DNAI7: variants seen among roughly 807,000 people sequenced by gnomAD.
The protein encoded by DNAI7 is dynein axonemal intermediate chain 7, also known as cancer susceptibility 1.
A neutral mutation model predicts 86.6 loss-of-function variants in DNAI7; 78 were observed. The ratio of observed to expected loss-of-function variants is 0.90; its 90% CI spans 0.75 to 1.09. The LOEUF is 1.09. DNAI7 is among the 50% of genes least tolerant of loss of function. The probability of loss-of-function intolerance (pLI) is 0.00; values close to 1 mark genes in which losing one functional copy is unlikely to be tolerated. For synonymous variants in DNAI7, 274 were observed against 273.0 expected, an observed-to-expected ratio of 1.00 and a Z score of -0.04; for missense variants, 753 against 810.2, an observed-to-expected ratio of 0.93 and a Z score of 0.86.
At chr12:25,182,639 A>ACACACACACACACACACAC (rs1555184991) in intron 2 of DNAI7, among the ~76,000 whole-genome samples, 3 of 36,912 alleles carry the variant, frequency 8.1e-5, no homozygotes, top group African/African-American at 2.6e-4. Flanking sequence ...CACACACACA[A>ACACACACACACACACACAC]GCCAGATGTG....
intron 8 of DNAI7, 129 bp downstream of exon 8, chr12:25,146,872 G>A (rs373604498): frequency 5.1e-6 from 3 of 590,290 alleles, no homozygotes; most frequent in Non-Finnish European, 9.0e-6. Context: ...ACCCTTAGTG[G>A]GCTAACTTCC....
At chr12:25,190,399 A>T (rs1189386540) in intron 2 of DNAI7, among the ~76,000 whole-genome samples, 1 of 152,216 alleles carries the variant, frequency 6.6e-6, no homozygotes, top group Non-Finnish European at 1.5e-5. Flanking sequence ...TTTTAAGAGT[A>T]TTTGTGAAAT....
At chr12:25,156,421 A>T (rs375066861) in intron 4 of DNAI7, among the ~76,000 whole-genome samples, 1 of 152,324 alleles carries the variant, frequency 6.6e-6, no homozygotes. Flanking sequence ...GAAAACTTGT[A>T]TCTATCACTG....
intron 1 of DNAI7, among the ~76,000 whole-genome samples, chr12:25,194,202 C>G (rs1417456869): frequency 3.9e-5 from 6 of 152,166 alleles, no homozygotes; most frequent in Non-Finnish European, 7.3e-5. Flanking sequence ...CTCTCCTTCC[C>G]TTGTTTCCCC....
chr12:25,195,061 A>G lies in DNAI7; in HGVS notation c.3+15T>C. On this transcript the variant is annotated intron_variant, in intron 1 of 15. Transcript: ENST00000395987. ...GGTCGCCCCTCCACCTGTCTGCCTCATTTGCCTTGCTCACCATTAAGAGTC... is the reference window on the plus strand; with the variant it reads ...GGTCGCCCCTCCACCTGTCTGCCTCGTTTGCCTTGCTCACCATTAAGAGTC... 1 of 1,614,198 alleles carries G rather than the reference A, an allele frequency of 6.2e-7. No individual in the cohort carries two copies. Among genetic ancestry groups the G allele is most frequent in the South Asian group, 1.1e-5 (1 of 91,090 alleles).
intron 2 of DNAI7, among the ~76,000 whole-genome samples, chr12:25,188,885 G>C (rs1461147099): frequency 1.3e-5 from 2 of 152,206 alleles, no homozygotes; most frequent in African/African-American, 4.8e-5. Context: ...AGCACAAAAT[G>C]AATGTCCACA....
At chr12:25,162,481 C>A (rs1946946238) in intron 2 of DNAI7, among the ~76,000 whole-genome samples, 1 of 152,160 alleles carries the variant, frequency 6.6e-6, no homozygotes. Flanking sequence ...GACCTCTCCT[C>A]CATTTTCACA....
downstream of DNAI7, chr12:25,108,035 G>A (rs543928184): frequency 1.5e-4 from 238 of 1,613,928 alleles, 5 homozygotes; most frequent in South Asian, 1.4e-3. Context: ...ACCAGACTCC[G>A]ACACAATGGG....
At chr12:25,136,966 A>G (rs1017112519) in intron 9 of DNAI7, among the ~76,000 whole-genome samples, 1 of 152,220 alleles carries the variant, frequency 6.6e-6, no homozygotes, top group South Asian at 2.1e-4. Context: ...AAGAAGAGAA[A>G]TCTAAAAGCT....
intron 9 of DNAI7, among the ~76,000 whole-genome samples, chr12:25,138,802 GAAA>G (rs71065910): frequency 0.69 from 102,874 of 149,808 alleles, 39,130 homozygotes; most frequent in East Asian, 0.99. Context: ...AGGAACTAGA[GAAA>G]AAAGAACAAA....
intron 1 of DNAI7, among the ~76,000 whole-genome samples, chr12:25,191,956 A>G (rs1239799959): frequency 6.6e-6 from 1 of 152,236 alleles, no homozygotes; most frequent in Non-Finnish European, 1.5e-5. Flanking sequence ...GAAGAGTTAT[A>G]CATGGGAAAT....
At chr12:25,135,490 G>C (rs1308874776) in intron 9 of DNAI7, among the ~76,000 whole-genome samples, 1 of 152,150 alleles carries the variant, frequency 6.6e-6, no homozygotes, top group Non-Finnish European at 1.5e-5. Flanking sequence ...AACAGGGGAT[G>C]GGGGGCGGTG....
At position 25,188,304 on chromosome 12, in the gene DNAI7, T is replaced by C. The variant is rs139722920; in HGVS notation, c.21+2310A>G. 4.3e-3 allele frequency among the ~76,000 whole-genome samples: 652 copies of C among 152,314 alleles called. 7 individuals are homozygous for C. Among genetic ancestry groups the C allele is most frequent in the African/African-American group, 0.015 (610 of 41,562 alleles). On this transcript the variant is annotated intron_variant, in intron 2 of 15. Transcript: ENST00000395987. ...AGGGGTCTCTGTGTGTGTACATATGTGCGCCCTTTAATGTTTAGAAAATTT... is the reference window on the plus strand; with the variant it reads ...AGGGGTCTCTGTGTGTGTACATATGCGCGCCCTTTAATGTTTAGAAAATTT...
At position 25,141,187 on chromosome 12, in the gene DNAI7, GCAA is replaced by G. The variant is rs535232691; in HGVS notation, c.1002+3175_1002+3177del. Among the ~76,000 whole-genome samples, 7 of 152,198 alleles carry G rather than the reference GCAA, an allele frequency of 4.6e-5. No individual in the cohort carries two copies. The South Asian group carries it at 8.3e-4, about 18-fold the overall frequency. On this transcript the variant is annotated intron_variant, in intron 9 of 15. Transcript: ENST00000395987. ...CATGAAAAAGAGCCCAAAAGCAAAT[GCAA>G]CAACAACAATGATAAATAGATGATA...
At chr12:25,191,280 C>T (rs1276818577) in intron 1 of DNAI7, among the ~76,000 whole-genome samples, 11 of 152,246 alleles carry the variant, frequency 7.2e-5, no homozygotes, top group African/African-American at 2.2e-4. Flanking sequence ...CAAGCACATG[C>T]GTGTGGTCCC....
chr12:25,108,290 A>ATTGT lies in DNAI7; in HGVS notation c.*254_*257dup, dbSNP rs900190588. 4 of 557,098 alleles carry ATTGT rather than the reference A, an allele frequency of 7.2e-6. No homozygotes were observed. The highest frequency in any genetic ancestry group is 1.9e-5 in the African/African-American group (1 of 53,154). 34.5% of individuals were successfully genotyped at this position (557,098 alleles called of 1,614,324 possible). ...GCTTTTTAAGGAAGAAATATTATATATTGTTTGTTAAAGTTTATTGAAATA... is the reference window on the plus strand; with the variant it reads ...GCTTTTTAAGGAAGAAATATTATATATTGTTTGTTTGTTAAAGTTTATTGAAATA... On this transcript the variant is annotated 3_prime_UTR_variant, in exon 16 of 16. Transcript: ENST00000395987.
In DNAI7 at chr12:25,149,629, T is replaced by G; in HGVS notation, c.584A>C (p.Lys195Thr). Residue 195 changes from lysine (K) to threonine (T), a missense_variant and splice_region_variant, in exon 7 of 16, where the codon AAA becomes ACA. By Grantham distance (78) the Lys-to-Thr change is moderately conservative. Transcript: ENST00000395987. Reference protein sequence around the residue: ...KFGVATEILLKQASTLADLDS... With the variant: ...KFGVATEILLTQASTLADLDS... ...ATATAAGCAAAATATCACACTTACT[T>G]TGAGAAGTATTTCTGTGGCTACACC... 1 of 1,599,720 alleles carries G rather than the reference T, an allele frequency of 6.3e-7. No individual in the cohort carries two copies. The highest frequency in any genetic ancestry group is 8.5e-7 in the Non-Finnish European group (1 of 1,173,244).
At chr12:25,149,943 C>A (rs1945300979) in intron 6 of DNAI7, among the ~76,000 whole-genome samples, 169 bp from the exon 7 acceptor site, 1 of 151,734 alleles carries the variant, frequency 6.6e-6, no homozygotes, top group Non-Finnish European at 1.5e-5. Flanking sequence ...AAATTTCCTC[C>A]CAAACTCCCT....
intron 1 of DNAI7, among the ~76,000 whole-genome samples, chr12:25,191,724 A>G (rs1403840560): frequency 1.3e-5 from 2 of 152,170 alleles, no homozygotes; most frequent in Non-Finnish European, 2.9e-5. Context: ...ATAAATAAAT[A>G]AAGCAGGTAA....
Sources: allele counts gnomAD v4.1 joint callset (sites outside exome capture counted in the v4.1 genomes callset), GRCh38; gene constraint gnomAD v4.1.1; transcripts MANE v1.5; gene names NCBI Gene and HGNC (gene_info 2026-07-23, HGNC 2026-07-21).